ATXN1: variants seen among roughly 807,000 people sequenced by gnomAD.
ATXN1 encodes the protein ataxin 1, also known as ataxin-1.
Under a neutral mutation model 56.4 loss-of-function variants are expected in ATXN1, and 8 were observed. That is an observed-to-expected ratio of 0.14 (90% confidence interval 0.08 to 0.26). ATXN1 has a LOEUF of 0.26. ATXN1 is among the 10% of genes least tolerant of loss of function. ATXN1 has a pLI of 1.00. For missense variants in ATXN1, 987 were observed against 1,106.5 expected (o/e 0.89, Z 1.53); for synonymous variants, 514 against 494.6 (o/e 1.04, Z -0.52).
At chr6:16,439,740 C>T (rs945765636) in intron 6 of ATXN1, among the ~76,000 whole-genome samples, 2 of 152,104 alleles carry the variant, frequency 1.3e-5, no homozygotes, top group East Asian at 3.8e-4. Flanking sequence ...AATCCAGAGG[C>T]ATAGTATTTA....
At chr6:16,529,890 C>A (rs1761469590) in intron 4 of ATXN1, among the ~76,000 whole-genome samples, 3 of 152,182 alleles carry the variant, frequency 2.0e-5, no homozygotes, top group African/African-American at 7.2e-5. Flanking sequence ...GATTTTACAT[C>A]ATTTATCTCT....
In ATXN1 at chr6:16,579,945, T is replaced by G. The variant is rs185464788; in HGVS notation, c.-361+5835A>C. ...CAAAAAAAAACTACCTTCCCAAATT[T>G]TACTAAAACATTCAGCAAAAATCTA... On this transcript the variant is annotated intron_variant, in intron 4 of 7. Transcript: ENST00000436367. 1.9e-4 allele frequency among the ~76,000 whole-genome samples: 29 copies of G among 152,262 alleles called. No individual in the cohort carries two copies. The East Asian group carries it at 5.6e-3, about 29-fold the overall frequency.
At chr6:16,526,060 T>TATATAA (rs1031359791) in intron 4 of ATXN1, among the ~76,000 whole-genome samples, 1 of 126,378 alleles carries the variant, frequency 7.9e-6, no homozygotes, top group Non-Finnish European at 1.7e-5. Flanking sequence ...TATATATATA[T>TATATAA]ATATACATAC....
chr6:16,540,747 A>G (rs1397770631), intron 4 of ATXN1, among the ~76,000 whole-genome samples: 5 of 152,208 alleles, frequency 3.3e-5, no homozygotes, highest in Admixed American at 6.5e-5. Flanking sequence ...ACAGTTTACA[A>G]AATATTTGCA....
rs187424934 is a variant in ATXN1 at position 16,530,722 on chromosome 6, C to T, written c.-360-8034G>A. Among the ~76,000 whole-genome samples, 14 of 152,212 alleles carry T rather than the reference C, an allele frequency of 9.2e-5. No individual in the cohort carries two copies. In the East Asian group the frequency reaches 1.5e-3, roughly 17 times the overall value. ...CCATGACACAAGTTTACCTATATAA[C>T]GAACCTGCACACGTACATCTGAACT... is the stretch of plus-strand genomic sequence containing the variant. On this transcript the variant is annotated intron_variant, in intron 4 of 7. Coordinates refer to ENST00000436367, the MANE Select transcript of ATXN1 (RefSeq NM_001128164.2).
At chr6:16,310,733 C>T (rs1437462363) in intron 7 of ATXN1, among the ~76,000 whole-genome samples, 6 of 152,176 alleles carry the variant, frequency 3.9e-5, no homozygotes, top group African/African-American at 1.2e-4. Flanking sequence ...ATGATCCACC[C>T]GCCTCAGTCT....
intron 2 of ATXN1, among the ~76,000 whole-genome samples, chr6:16,732,784 C>T (rs1445859942): frequency 6.6e-6 from 1 of 152,186 alleles, no homozygotes; most frequent in African/African-American, 2.4e-5. Flanking sequence ...TTATTAAGTA[C>T]TTTTATGTTT....
chr6:16,488,421 T>C (rs533826911), intron 5 of ATXN1, among the ~76,000 whole-genome samples: 33 of 152,352 alleles, frequency 2.2e-4, no homozygotes, highest in African/African-American at 7.5e-4. Context: ...AAACAGCTTT[T>C]ATGCCCACCG....
intron 2 of ATXN1, among the ~76,000 whole-genome samples, chr6:16,706,082 A>G (rs1759400116): frequency 6.6e-6 from 1 of 151,992 alleles, no homozygotes; most frequent in Admixed American, 6.6e-5. Context: ...CCATCCATAT[A>G]ATACTATTTT....
intron 2 of ATXN1, among the ~76,000 whole-genome samples, chr6:16,702,902 C>A (rs972239122): frequency 2.0e-4 from 31 of 152,222 alleles, no homozygotes; most frequent in Admixed American, 5.9e-4. Flanking sequence ...ACTAGTTCAA[C>A]CATTGTGGAA....
chr6:16,349,616 T>C (rs78948490), intron 6 of ATXN1, among the ~76,000 whole-genome samples: 2,324 of 152,298 alleles, frequency 0.015, 31 homozygotes, highest in Admixed American at 0.023. Context: ...AATGGAATAA[T>C]CTCTCATTAA....
chr6:16,537,269 T>C (rs769678840), intron 4 of ATXN1, among the ~76,000 whole-genome samples: 1 of 152,176 alleles, frequency 6.6e-6, no homozygotes, highest in Non-Finnish European at 1.5e-5. Flanking sequence ...TTCCTTGCTA[T>C]TCTACGCAGC....
intron 3 of ATXN1, among the ~76,000 whole-genome samples, chr6:16,614,589 A>C (rs1763170137): frequency 6.6e-6 from 1 of 151,782 alleles, no homozygotes. Flanking sequence ...ACCACAAACC[A>C]GTAGCCAATA....
intron 2 of ATXN1, chr6:16,737,785 G>A (rs1760188978): frequency 6.6e-6 from 1 of 151,942 alleles, no homozygotes; most frequent in African/African-American, 2.4e-5. Flanking sequence ...AGATGGTCAA[G>A]GTATAAACAA....
At chr6:16,308,410 T>G (rs1267233514) in intron 7 of ATXN1, among the ~76,000 whole-genome samples, 1 of 147,476 alleles carries the variant, frequency 6.8e-6, no homozygotes, top group Non-Finnish European at 1.5e-5. Flanking sequence ...CCCAGAGAGG[T>G]GAAGCTGGTG....
At chr6:16,510,413 C>T (rs1476172638) in intron 5 of ATXN1, among the ~76,000 whole-genome samples, 3 of 152,204 alleles carry the variant, frequency 2.0e-5, no homozygotes, top group African/African-American at 7.2e-5. Context: ...TTACATAACT[C>T]ATTCAAAGAT....
At chr6:16,445,595 C>T (rs1408660314) in intron 6 of ATXN1, among the ~76,000 whole-genome samples, 1 of 151,522 alleles carries the variant, frequency 6.6e-6, no homozygotes, top group African/African-American at 2.4e-5. Context: ...CATATGTATA[C>T]ATGTGCCATG....
At chr6:16,662,995 G>C (rs1432307413) in intron 2 of ATXN1, among the ~76,000 whole-genome samples, 1 of 123,506 alleles carries the variant, frequency 8.1e-6, no homozygotes, top group Non-Finnish European at 1.7e-5. Flanking sequence ...TTTTTGAAAT[G>C]GAGTTTTGCT....
chr6:16,538,107 A>G lies in ATXN1; in HGVS notation c.-360-15419T>C, dbSNP rs147030196. Among the ~76,000 whole-genome samples, 464 of 152,328 alleles carry G rather than the reference A, an allele frequency of 3.0e-3. 2 individuals carry two copies. The highest frequency in any genetic ancestry group is 0.011 in the African/African-American group (437 of 41,580). On this transcript the variant is annotated intron_variant, in intron 4 of 7. Coordinates refer to ENST00000436367, the MANE Select transcript of ATXN1 (RefSeq NM_001128164.2). The stretch of plus-strand genomic sequence containing the variant: ...ATAATTAAATTCCTTCCACCGGCAC[A>G]AGAAATATGTCCACTGAAAATAGGA...
Sources: gnomAD v4.1 joint callset for allele counts (sites outside exome capture counted in the v4.1 genomes callset) on GRCh38, gnomAD v4.1.1 for gene constraint, MANE v1.5 for transcripts, NCBI Gene and HGNC (gene_info 2026-07-23, HGNC 2026-07-21) for gene names.